Variants in WWOX observed in about 807,000 individuals in gnomAD.
The protein encoded by WWOX is WW domain containing oxidoreductase.
In WWOX, 69 loss-of-function variants were observed where a neutral mutation model predicts 46.2. The ratio of observed to expected loss-of-function variants is 1.49; its 90% CI spans 1.23 to 1.82. The LOEUF (loss-of-function observed/expected upper bound fraction) is 1.82, where lower values mean the gene tolerates loss of function less well. Among genes scored for constraint, WWOX ranks in the 40% most tolerant of loss-of-function variants. WWOX has a pLI of 0.00. For synonymous variants in WWOX, 359 were observed against 202.6 expected, an observed-to-expected ratio of 1.77 and a Z score of -6.56; for missense variants, 919 against 542.6, an observed-to-expected ratio of 1.69 and a Z score of -6.89.
At chr16:78,710,367 C>T (rs1460757166) in intron 8 of WWOX, among the ~76,000 whole-genome samples, 2 of 150,378 alleles carry the variant, frequency 1.3e-5, no homozygotes, top group African/African-American at 2.4e-5. Context: ...TTTCCCAGTG[C>T]GCACTAACCC....
At chr16:79,030,700 T>C (rs769260723) in intron 8 of WWOX, among the ~76,000 whole-genome samples, 2 of 152,176 alleles carry the variant, frequency 1.3e-5, no homozygotes, top group Non-Finnish European at 2.9e-5. Context: ...CCGCTGCTTG[T>C]ACCAGTATCT....
chr16:78,597,012 T>A (rs1402852327), intron 8 of WWOX, among the ~76,000 whole-genome samples: 1 of 152,206 alleles, frequency 6.6e-6, no homozygotes, highest in East Asian at 1.9e-4. Flanking sequence ...GCCTCCAGCA[T>A]GCGATCCCCT....
chr16:78,182,902 G>A (rs148502585), intron 5 of WWOX, among the ~76,000 whole-genome samples: 3 of 145,274 alleles, frequency 2.1e-5, no homozygotes, highest in African/African-American at 7.7e-5. Context: ...AGTGAGCCGA[G>A]ATTGCGCCAC....
intron 6 of WWOX, among the ~76,000 whole-genome samples, chr16:78,417,040 G>GGTGGGTGTGTGTGTGTGTGTGTGTGT (rs1555535316): frequency 6.6e-6 from 1 of 151,264 alleles, no homozygotes; most frequent in African/African-American, 2.4e-5. Flanking sequence ...ACCCTTTGGG[G>GGTGGGTGTGTGTGTGTGTGTGTGTGT]GTGTGTGTGT....
intron 8 of WWOX, among the ~76,000 whole-genome samples, chr16:78,882,624 A>C (rs552642546): frequency 7.9e-4 from 119 of 150,834 alleles, no homozygotes; most frequent in African/African-American, 2.9e-3. Flanking sequence ...AGTAGCTGGG[A>C]TTACAGGTAT....
chr16:78,826,537 C>T (rs1477604054), intron 8 of WWOX, among the ~76,000 whole-genome samples: 1 of 152,178 alleles, frequency 6.6e-6, no homozygotes, highest in Non-Finnish European at 1.5e-5. Flanking sequence ...GCCACATGGC[C>T]TTCTCCTCTT....
intron 8 of WWOX, among the ~76,000 whole-genome samples, chr16:78,528,720 T>A (rs1221078548): frequency 6.6e-6 from 1 of 152,086 alleles, no homozygotes; most frequent in Non-Finnish European, 1.5e-5. Flanking sequence ...GATTTTTAAA[T>A]TTGGCCGGTG....
intron 6 of WWOX, among the ~76,000 whole-genome samples, chr16:78,415,596 G>C (rs1238849016): frequency 6.6e-6 from 1 of 152,152 alleles, no homozygotes; most frequent in African/African-American, 2.4e-5. Context: ...TGTTAGGTTA[G>C]TTTTAATTTC....
At chr16:78,666,737 C>T (rs1180374394) in intron 8 of WWOX, among the ~76,000 whole-genome samples, 2 of 152,162 alleles carry the variant, frequency 1.3e-5, no homozygotes, top group East Asian at 3.9e-4. Flanking sequence ...CTGCCTCTTT[C>T]CTAATGGGAC....
intron 8 of WWOX, among the ~76,000 whole-genome samples, chr16:78,442,933 T>TA (rs377523499): frequency 1.4e-4 from 22 of 151,892 alleles, no homozygotes; most frequent in African/African-American, 5.1e-4. Context: ...CCATCCTAGC[T>TA]AACATGGTGA....
chr16:78,578,264 A>ATATATATATATATT (rs2044945563), intron 8 of WWOX, among the ~76,000 whole-genome samples: 1 of 20,286 alleles, frequency 4.9e-5, no homozygotes, highest in African/African-American at 1.6e-4. Flanking sequence ...TTATATATAT[A>ATATATATATATATT]TATATATATA....
chr16:78,339,725 T>G (rs1344363592), intron 5 of WWOX, among the ~76,000 whole-genome samples: 1 of 118,802 alleles, frequency 8.4e-6, no homozygotes, highest in East Asian at 1.9e-4. Context: ...TCAATTTTGC[T>G]TCAGAGTTTT....
chr16:78,650,038 A>C (rs541196110), intron 8 of WWOX, among the ~76,000 whole-genome samples: 1 of 152,234 alleles, frequency 6.6e-6, no homozygotes, highest in East Asian at 1.9e-4. Context: ...TTGGAAGCCT[A>C]TTGTACTTTA....
chr16:78,635,654 G>A (rs1477158227), intron 8 of WWOX, among the ~76,000 whole-genome samples: 1 of 152,134 alleles, frequency 6.6e-6, no homozygotes, highest in Non-Finnish European at 1.5e-5. Flanking sequence ...TGCTTGACCA[G>A]CATTCACACA....
At chr16:78,925,576 G>C (rs991446006) in intron 8 of WWOX, among the ~76,000 whole-genome samples, 70 of 152,286 alleles carry the variant, frequency 4.6e-4, no homozygotes, top group African/African-American at 1.7e-3. Flanking sequence ...AAACAGAAGG[G>C]GTAGTATTAC....
intron 8 of WWOX, among the ~76,000 whole-genome samples, chr16:78,911,829 G>A (rs1052668510): frequency 2.6e-5 from 4 of 152,060 alleles, no homozygotes; most frequent in Admixed American, 2.0e-4. Context: ...TCACGCTGAT[G>A]CATTCCAGCC....
At chr16:79,032,693 C>T (rs528353173) in intron 8 of WWOX, among the ~76,000 whole-genome samples, 1 of 150,946 alleles carries the variant, frequency 6.6e-6, no homozygotes, top group South Asian at 2.1e-4. Flanking sequence ...CACACACACA[C>T]ACACATTTCA....
chr16:79,047,900 A>AT (rs1237387864), intron 8 of WWOX, among the ~76,000 whole-genome samples: 2 of 152,100 alleles, frequency 1.3e-5, no homozygotes, highest in East Asian at 3.9e-4. Flanking sequence ...CAGACTCTGC[A>AT]TTTTGAACCA....
intron 8 of WWOX, among the ~76,000 whole-genome samples, chr16:78,661,968 C>T (rs897646838): frequency 2.0e-5 from 3 of 152,082 alleles, no homozygotes; most frequent in Non-Finnish European, 1.5e-5. Context: ...CATTTGAGCC[C>T]GGTAGATGGA....
Sources: gnomAD v4.1 joint callset for allele counts (sites outside exome capture counted in the v4.1 genomes callset) on GRCh38, gnomAD v4.1.1 for gene constraint, MANE v1.5 for transcripts, NCBI Gene and HGNC (gene_info 2026-07-23, HGNC 2026-07-21) for gene names.